SPMIP5: variants seen among roughly 807,000 people sequenced by gnomAD.
The protein encoded by SPMIP5 is sperm microtubule inner protein 5, also known as sperm-associated microtubule inner protein 5.
At chr10:116,664,224 ACTTTTG>A in the SPMIP5 span, 6 of 1,613,100 alleles carry the variant, frequency 3.7e-6, no homozygotes, top group Non-Finnish European at 5.1e-6. Context: ...ATGCTGCAAA[ACTTTTG>A]GAGACGGAGC....
chr10:116,668,339 A>C, the SPMIP5 span: 36 of 1,587,808 alleles, frequency 2.3e-5, no homozygotes, highest in East Asian at 7.4e-4. Context: ...AGTGGAGGGA[A>C]GAGGGAATGA....
chr10:116,669,698 A>C, the SPMIP5 span, among the ~76,000 whole-genome samples: 1 of 152,146 alleles, frequency 6.6e-6, no homozygotes, highest in African/African-American at 2.4e-5. Flanking sequence ...GAGGTTAGGT[A>C]ACTGGTTTCA....
At chr10:116,668,512 T>C in the SPMIP5 span, among the ~76,000 whole-genome samples, 2 of 152,090 alleles carry the variant, frequency 1.3e-5, no homozygotes, top group Non-Finnish European at 2.9e-5. Context: ...CAATGACCTA[T>C]TACCAAGGGC....
chr10:116,668,923 GCA>G, the SPMIP5 span, among the ~76,000 whole-genome samples: 1 of 61,580 alleles, frequency 1.6e-5, no homozygotes, highest in African/African-American at 6.8e-5. Flanking sequence ...CCACCCGCCG[GCA>G]CACACATGCA....
the SPMIP5 span, chr10:116,668,438 G>T: frequency 1.1e-6 from 1 of 875,452 alleles, no homozygotes; most frequent in Non-Finnish European, 1.9e-6. Context: ...CCAGGAGTTG[G>T]GGCTGAGAGG....
chr10:116,663,401 T>C, the SPMIP5 span, among the ~76,000 whole-genome samples: 4 of 152,216 alleles, frequency 2.6e-5, no homozygotes, highest in Non-Finnish European at 4.4e-5. Flanking sequence ...ATTTCTGTTG[T>C]CTTAAGCCAC....
chr10:116,663,845 T>C, the SPMIP5 span: 3 of 1,453,504 alleles, frequency 2.1e-6, no homozygotes, highest in Admixed American at 5.1e-5. Flanking sequence ...GATTCCAACA[T>C]GAGAATGGCA....
the SPMIP5 span, chr10:116,668,188 C>G: frequency 2.2e-3 from 3,163 of 1,466,064 alleles, 71 homozygotes; most frequent in African/African-American, 0.04. Context: ...GACAGTGGGT[C>G]AAGGCAGGGA....
chr10:116,663,866 G>T, the SPMIP5 span: 1 of 1,486,556 alleles, frequency 6.7e-7, no homozygotes, highest in Non-Finnish European at 8.9e-7. Flanking sequence ...GGTTTTGGAA[G>T]CCCCACTTAA....
At chr10:116,668,933 G>GCACACA in the SPMIP5 span, among the ~76,000 whole-genome samples, 2,365 of 135,326 alleles carry the variant, frequency 0.017, 60 homozygotes, top group East Asian at 0.034. Flanking sequence ...GCACACACAT[G>GCACACA]CACACACACA....
At chr10:116,662,642 A>G in the SPMIP5 span, among the ~76,000 whole-genome samples, 8 of 152,146 alleles carry the variant, frequency 5.3e-5, no homozygotes, top group African/African-American at 1.9e-4. Context: ...TCATTGTCCC[A>G]GGAGCTGTTA....
the SPMIP5 span, chr10:116,668,224 G>C: frequency 1.1e-5 from 17 of 1,602,096 alleles, no homozygotes; most frequent in Non-Finnish European, 1.5e-5. Flanking sequence ...GGGTTCCCCT[G>C]CCAGGCACAG....
the SPMIP5 span, chr10:116,665,719 C>T: frequency 6.2e-7 from 1 of 1,614,168 alleles, no homozygotes; most frequent in Admixed American, 1.7e-5. Flanking sequence ...CAGCACAATT[C>T]CCGCAGCTGT....
chr10:116,669,052 G>A, the SPMIP5 span, among the ~76,000 whole-genome samples: 1 of 151,880 alleles, frequency 6.6e-6, no homozygotes, highest in African/African-American at 2.4e-5. Flanking sequence ...GGTAAGCAGA[G>A]GCCACCCTCT....
chr10:116,667,554 T>TTGGGCAACCC, the SPMIP5 span, among the ~76,000 whole-genome samples: 3 of 152,098 alleles, frequency 2.0e-5, no homozygotes, highest in Non-Finnish European at 4.4e-5. Flanking sequence ...CAGAGTGAGG[T>TTGGGCAACCC]TGGGCAACCC....
the SPMIP5 span, among the ~76,000 whole-genome samples, chr10:116,669,689 A>C: frequency 6.6e-5 from 10 of 152,078 alleles, no homozygotes; most frequent in Admixed American, 2.0e-4. Context: ...AGGCACAGAG[A>C]GGTTAGGTAA....
At chr10:116,668,693 C>G in the SPMIP5 span, among the ~76,000 whole-genome samples, 2 of 151,952 alleles carry the variant, frequency 1.3e-5, no homozygotes, top group African/African-American at 2.4e-5. Context: ...AGCCCAGAAG[C>G]CCCTGTGTTA....
chr10:116,664,832 G>C, the SPMIP5 span: 1 of 1,614,114 alleles, frequency 6.2e-7, no homozygotes, highest in South Asian at 1.1e-5. Context: ...AGCAGTTTTT[G>C]GCCATGACAG....
the SPMIP5 span, chr10:116,664,734 TG>T: frequency 6.2e-7 from 1 of 1,607,610 alleles, no homozygotes; most frequent in South Asian, 1.1e-5. Context: ...ACCTTGTGCC[TG>T]GGGTACGGAC....
Sources: gnomAD v4.1 joint callset for allele counts (sites outside exome capture counted in the v4.1 genomes callset) on GRCh38, gnomAD v4.1.1 for gene constraint, MANE v1.5 for transcripts, NCBI Gene and HGNC (gene_info 2026-07-23, HGNC 2026-07-21) for gene names.